Variants in ENPP1 observed in about 807,000 individuals in gnomAD.
ENPP1 encodes the protein ectonucleotide pyrophosphatase/phosphodiesterase 1, also known as ectonucleotide pyrophosphatase/phosphodiesterase family member 1.
ENPP1 carries 73 observed loss-of-function variants against 122.8 expected under a neutral mutation model. That is an observed-to-expected ratio of 0.59 (90% CI 0.49 to 0.72). The LOEUF (loss-of-function observed/expected upper bound fraction) is 0.72. Among genes scored for constraint, ENPP1 ranks in the 30% least tolerant of loss-of-function variants. ENPP1 has a pLI of 0.00. For synonymous variants in ENPP1, 367 were observed against 391.6 expected (o/e 0.94, Z 0.74); for missense variants, 978 against 1,128.1 (o/e 0.87, Z 1.91).
In ENPP1 at chr6:131,864,492, G is replaced by T. The variant is rs1428920946; in HGVS notation, c.1026-14G>T. On this transcript the variant is annotated splice_polypyrimidine_tract_variant and intron_variant, in intron 9 of 24. Coordinates refer to ENST00000647893, the MANE Select transcript of ENPP1 (RefSeq NM_006208.3). The stretch of plus-strand genomic sequence containing the variant: ...TGTCAGCCATCTTTTATTTTTGTTT[G>T]TTCTTCATTTTAGTTCAGTACCATT... 1 of 1,569,876 alleles carries T rather than the reference G, an allele frequency of 6.4e-7. No individual in the cohort carries two copies. The highest frequency in any genetic ancestry group is 2.2e-5 in the East Asian group (1 of 44,488).
chr6:131,876,377 T>G (rs1336694274), intron 17 of ENPP1, among the ~76,000 whole-genome samples: 1 of 152,220 alleles, frequency 6.6e-6, no homozygotes, highest in Non-Finnish European at 1.5e-5. Flanking sequence ...TATTAGTTTC[T>G]TATTCTGATA....
In ENPP1 at chr6:131,851,460, A is replaced by G. The variant is rs368328926; in HGVS notation, c.556+193A>G. On this transcript the variant is annotated intron_variant, in intron 4 of 24. Transcript: ENST00000647893. ...TGGGGAGAGAGAGTATGTAATGAAC[A>G]TTATACCCATCACCCAGCTTCATAA... The G allele has an allele frequency of 3.7e-4, 224 of 604,490 alleles. 1 individual carries two copies. The highest frequency in any genetic ancestry group is 3.7e-3 in the African/African-American group (197 of 53,776). 37.4% of individuals were successfully genotyped at this position (604,490 alleles called of 1,614,324 possible).
chr6:131,840,774 T>A (rs765888355), intron 1 of ENPP1, among the ~76,000 whole-genome samples: 9 of 152,188 alleles, frequency 5.9e-5, no homozygotes, highest in Non-Finnish European at 1.0e-4. Context: ...GTGCTTGAGA[T>A]GTAGTAGGAT....
At chr6:131,861,463 A>C (rs1782021986) in intron 8 of ENPP1, 132 bp from the exon 9 acceptor site, 1 of 702,906 alleles carries the variant, frequency 1.4e-6, no homozygotes, top group Non-Finnish European at 2.6e-6. Flanking sequence ...TTGTCATCTA[A>C]GTGCTGAAGC....
In ENPP1 at chr6:131,847,761, C is replaced by T; in HGVS notation, c.241-15C>T. Reference sequence around the variant, plus strand: ...TAAAAAAGAAACCATGTAATTTTCTCTTTTCTCCCTACAGGTATTGTCAGT... The same window carrying T: ...TAAAAAAGAAACCATGTAATTTTCTTTTTTCTCCCTACAGGTATTGTCAGT... On this transcript the variant is annotated splice_polypyrimidine_tract_variant and intron_variant, in intron 1 of 24. Transcript: ENST00000647893. The T allele has an allele frequency of 1.3e-6, 2 of 1,574,718 alleles. No individual in the cohort carries two copies. The highest frequency in any genetic ancestry group is 1.7e-6 in the Non-Finnish European group (2 of 1,148,288).
At chr6:131,821,171 A>C (rs1781480898) in intron 1 of ENPP1, among the ~76,000 whole-genome samples, 1 of 152,220 alleles carries the variant, frequency 6.6e-6, no homozygotes, top group Non-Finnish European at 1.5e-5. Context: ...CCCCAGACCT[A>C]CTAAACCAAG....
At chr6:131,847,566 C>T (rs1781824976) in intron 1 of ENPP1, among the ~76,000 whole-genome samples, 1 of 152,110 alleles carries the variant, frequency 6.6e-6, no homozygotes, top group African/African-American at 2.4e-5. Context: ...TAAGGCCAGG[C>T]CTAGTGGCTC....
chr6:131,844,018 C>T (rs1781774152), intron 1 of ENPP1, among the ~76,000 whole-genome samples: 1 of 152,166 alleles, frequency 6.6e-6, no homozygotes, highest in South Asian at 2.1e-4. Flanking sequence ...AGCCTTCTGA[C>T]ATGCCTATCT....
chr6:131,820,009 C>G (rs1781464326), intron 1 of ENPP1: 2 of 562,740 alleles, frequency 3.6e-6, no homozygotes, highest in African/African-American at 1.9e-5. Flanking sequence ...AGCTGTTCCC[C>G]ATAAGAAATC....
At chr6:131,823,007 C>T (rs1312375697) in intron 1 of ENPP1, among the ~76,000 whole-genome samples, 1 of 152,198 alleles carries the variant, frequency 6.6e-6, no homozygotes, top group African/African-American at 2.4e-5. Flanking sequence ...GTTTTTATTT[C>T]CCACACGCGG....
intron 20 of ENPP1, among the ~76,000 whole-genome samples, chr6:131,881,048 C>A (rs1378499100): frequency 6.6e-6 from 1 of 151,986 alleles, no homozygotes; most frequent in Admixed American, 6.6e-5. Context: ...TTAAACTGGG[C>A]TGAAACTGAA....
intron 1 of ENPP1, among the ~76,000 whole-genome samples, chr6:131,811,356 A>G (rs1781347363): frequency 6.8e-6 from 1 of 147,476 alleles, no homozygotes; most frequent in South Asian, 2.2e-4. Flanking sequence ...TTAAAAAAAC[A>G]TATATCTATA....
At chr6:131,849,103 G>C (rs1781849715) in intron 2 of ENPP1, among the ~76,000 whole-genome samples, 2 of 151,852 alleles carry the variant, frequency 1.3e-5, no homozygotes, top group African/African-American at 4.8e-5. Flanking sequence ...CTTATTCAAG[G>C]TATCTAGTAA....
intron 15 of ENPP1, 131 bp from the exon 16 acceptor site, chr6:131,874,137 G>A (rs1350942920): frequency 3.0e-6 from 2 of 664,428 alleles, no homozygotes; most frequent in African/African-American, 1.8e-5. Flanking sequence ...AAAGCCAGGT[G>A]GTTTTATTTA....
intron 1 of ENPP1, among the ~76,000 whole-genome samples, chr6:131,837,172 TTGTGTGTGTGTG>T (rs67550562): frequency 2.6e-4 from 36 of 136,058 alleles, no homozygotes; most frequent in Admixed American, 1.4e-3. Context: ...CCTGTTGTCA[TTGTGTGTGTGTG>T]TGTGTGTGTG....
At chr6:131,849,057 A>G (rs1287661717) in intron 2 of ENPP1, among the ~76,000 whole-genome samples, 1 of 150,690 alleles carries the variant, frequency 6.6e-6, no homozygotes, top group Non-Finnish European at 1.5e-5. Context: ...TTTTTTTCTC[A>G]TTGTCCTAAT....
rs370184526 is a variant in ENPP1 at position 131,884,994 on chromosome 6, A to G, written c.2375A>G (p.Asn792Ser). Residue 792 changes from asparagine (N) to serine (S), a missense_variant, in exon 23 of 25, where the codon AAT becomes AGT. Around this residue, in one of 3 missense-constraint regions of ENPP1, gnomAD observed 644 missense variants for 781.5 expected, o/e 0.82. Coordinates refer to ENST00000647893, the MANE Select transcript of ENPP1 (RefSeq NM_006208.3). ...RKYAEERNGV[N>S]VVSGPVFDFD... ...TATGCTGAAGAAAGAAATGGTGTCA[A>G]TGTCGTCAGTGGTCCTGTGTTTGAC... is the stretch of plus-strand genomic sequence containing the variant. The G allele has an allele frequency of 7.8e-5, 126 of 1,613,940 alleles. 1 individual carries two copies. Among genetic ancestry groups the G allele is most frequent in the South Asian group, 1.5e-4 (14 of 91,084 alleles).
At chr6:131,884,821 T>C in intron 22 of ENPP1, 110 bp from the exon 23 acceptor site, 1 of 1,315,788 alleles carries the variant, frequency 7.6e-7, no homozygotes, top group African/African-American at 1.5e-5. Flanking sequence ...AACTTGACTT[T>C]ATCTTTATTT....
chr6:131,871,993 G>C, intron 13 of ENPP1, 77 bp from the exon 14 acceptor site: 2 of 1,087,402 alleles, frequency 1.8e-6, no homozygotes, highest in African/African-American at 1.5e-5. Context: ...GTTTGGATCT[G>C]ACATTCTATA....
Sources: allele counts gnomAD v4.1 joint callset (sites outside exome capture counted in the v4.1 genomes callset), GRCh38; gene constraint gnomAD v4.1.1; regional missense constraint gnomAD v4.1.1; transcripts MANE v1.5; gene names NCBI Gene and HGNC (gene_info 2026-07-23, HGNC 2026-07-21).